CELA3B: variants seen among roughly 807,000 people sequenced by gnomAD.
CELA3B encodes chymotrypsin like elastase 3B, also known as chymotrypsin-like elastase family member 3B.
Under a neutral mutation model 37.2 loss-of-function variants are expected in CELA3B, and 34 were observed. That is an observed-to-expected ratio of 0.91 (90% CI 0.70 to 1.22). The LOEUF (loss-of-function observed/expected upper bound fraction) is 1.22, where lower values mean the gene tolerates loss of function less well. CELA3B is among the 50% of genes most tolerant of loss of function. The probability of loss-of-function intolerance (pLI) is 0.00; values close to 1 mark genes in which losing one functional copy is unlikely to be tolerated. For missense variants in CELA3B, 340 were observed against 363.1 expected, an observed-to-expected ratio of 0.94 and a Z score of 0.52; for synonymous variants, 127 against 143.5, an observed-to-expected ratio of 0.89 and a Z score of 0.82.
chr1:21,998,054 C>T (rs976630006), intron 4 of CELA3B: 38 of 435,080 alleles, frequency 8.7e-5, no homozygotes, highest in African/African-American at 6.9e-4. Flanking sequence ...GTTATGCCTT[C>T]CTGTTTACAT....
chr1:21,983,967 C>T, intron 5 of CELA3B, 137 bp downstream of exon 5: 2 of 1,439,802 alleles, frequency 1.4e-6, no homozygotes, highest in Non-Finnish European at 1.9e-6. Context: ...CTTCTCCCAC[C>T]AACCTCCAAA....
intron 2 of CELA3B, 129 bp downstream of exon 2, chr1:21,978,583 G>A: frequency 8.8e-7 from 1 of 1,139,538 alleles, no homozygotes; most frequent in Non-Finnish European, 1.3e-6. Context: ...AGACCAGGCA[G>A]CCCTTGGACC....
chr1:21,996,349 G>A (rs936634627), intron 4 of CELA3B, among the ~76,000 whole-genome samples: 3 of 151,058 alleles, frequency 2.0e-5, no homozygotes, highest in East Asian at 2.0e-4. Context: ...TAAAGAAGCC[G>A]GCCAAAACCC....
chr1:21,984,920 C>A (rs10799724), intron 6 of CELA3B, among the ~76,000 whole-genome samples: 133,828 of 151,706 alleles, frequency 0.88, 59,659 homozygotes, highest in Middle Eastern at 0.95. Context: ...GCACTCCAGG[C>A]TGGGCGACAG....
intron 7 of CELA3B, among the ~76,000 whole-genome samples, chr1:21,988,692 C>T (rs1286656777): frequency 6.6e-6 from 1 of 151,288 alleles, no homozygotes; most frequent in East Asian, 1.9e-4. Flanking sequence ...GAGATTGAGA[C>T]CATCCTGGCT....
intron 4 of CELA3B, among the ~76,000 whole-genome samples, chr1:21,996,939 A>G (rs995330513): frequency 1.3e-4 from 19 of 151,482 alleles, no homozygotes; most frequent in Middle Eastern, 3.4e-3. Flanking sequence ...GGTAGCTGGG[A>G]AATGTTGACC....
Position 21,986,578 on chromosome 1 carries a change from G to C in CELA3B, c.690G>C (p.Trp230Cys). The change falls in exon 7 of 8, where the codon TGG (tryptophan) becomes TGC (cysteine). Residue 230 changes from tryptophan to cysteine, a missense_variant. Physicochemically the swap from Trp to Cys is radical, Grantham distance 215 (BLOSUM62 -2). Transcript: ENST00000337107. ...ACTGCCCCACAGAGGATGGTGGCTGGCAGGTCCATGGCGTGACCAGCTTTG... is the reference window on the plus strand; with the variant it reads ...ACTGCCCCACAGAGGATGGTGGCTGCCAGGTCCATGGCGTGACCAGCTTTG... ...PLNCPTEDGG[W>C]QVHGVTSFVS... 1.4e-5 allele frequency: 22 copies of C among 1,614,100 alleles called. No individual in the cohort carries two copies. Among genetic ancestry groups the C allele is most frequent in the Non-Finnish European group, 1.8e-5 (21 of 1,180,022 alleles).
chr1:21,986,332 C>T (rs1322472331), intron 6 of CELA3B, among the ~76,000 whole-genome samples, 199 bp from the exon 7 acceptor site: 1 of 151,784 alleles, frequency 6.6e-6, no homozygotes, highest in South Asian at 2.1e-4. Context: ...GCCAAGCTAG[C>T]TCCACTGCAC....
downstream of CELA3B, among the ~76,000 whole-genome samples, chr1:21,992,834 AC>A (rs748567628): frequency 1.3e-4 from 20 of 150,926 alleles, 1 homozygote; most frequent in Non-Finnish European, 2.9e-4. Context: ...GTGGTGTGAC[AC>A]ATGCCTGTAG....
Position 21,986,379 on chromosome 1 carries a change from A to G in CELA3B, c.643-152A>G, listed in dbSNP as rs945426679. ...CAAGAGAGCGAGACTCCATCTAAAAAAATAAAAATAATAAATGATTAAAAA... is the reference window on the plus strand; with the variant it reads ...CAAGAGAGCGAGACTCCATCTAAAAGAATAAAAATAATAAATGATTAAAAA... On this transcript the variant is annotated intron_variant, in intron 6 of 7. Coordinates refer to ENST00000337107, the MANE Select transcript of CELA3B (RefSeq NM_007352.4). 2.6e-5 allele frequency: 28 copies of G among 1,092,944 alleles called. No homozygotes were observed. In the African/African-American group the frequency reaches 4.5e-4, roughly 18 times the overall value. 67.7% of individuals were successfully genotyped at this position (1,092,944 alleles called of 1,614,324 possible).
chr1:21,977,744 T>G (rs983507829), intron 1 of CELA3B: 3 of 311,650 alleles, frequency 9.6e-6, no homozygotes, highest in Admixed American at 9.4e-5. Flanking sequence ...CTTTTTTTTT[T>G]GTTGAGATGG....
Position 21,978,248 on chromosome 1 carries a change from G to A in CELA3B, c.44-121G>A, listed in dbSNP as rs185946114. ...ATATGTGGTTACTGAGGTCCAGAGG[G>A]CGAAAGGGGCTTGCATGGGGTCACA... On this transcript the variant is annotated intron_variant, in intron 1 of 7. Coordinates refer to ENST00000337107, the MANE Select transcript of CELA3B (RefSeq NM_007352.4). The A allele has an allele frequency of 2.6e-4, 247 of 950,196 alleles. 3 individuals carry two copies. In the African/African-American group the frequency reaches 2.6e-3, roughly 10 times the overall value. 58.9% of individuals were successfully genotyped at this position (950,196 alleles called of 1,614,324 possible). A position where few individuals can be genotyped will look rare whatever the true frequency, so the allele number is the denominator to read the frequency against.
rs747556999 is a variant in CELA3B at position 21,986,593 on chromosome 1, G to T, written c.705G>T (p.Val235=). The T allele has an allele frequency of 6.8e-6, 11 of 1,613,970 alleles. No individual in the cohort carries two copies. The African/African-American group carries it at 1.1e-4, about 16-fold the overall frequency. ...ATGGTGGCTGGCAGGTCCATGGCGT[G>T]ACCAGCTTTGTTTCTGCCTTTGGCT... is the stretch of plus-strand genomic sequence containing the variant. ...TEDGGWQVHG[V]TSFVSAFGCN... Residue 235 remains valine (V), a synonymous_variant, in exon 7 of 8, where the codon GTG becomes GTT. Coordinates refer to ENST00000337107, the MANE Select transcript of CELA3B (RefSeq NM_007352.4).
chr1:21,997,750 A>T (rs1381147926), intron 4 of CELA3B, among the ~76,000 whole-genome samples: 2 of 151,270 alleles, frequency 1.3e-5, no homozygotes, highest in Non-Finnish European at 2.9e-5. Flanking sequence ...TAGTAGGACT[A>T]TAACATTTCT....
In CELA3B at chr1:21,994,916, C is replaced by A. The variant is rs1451116300; in HGVS notation, c.505-3235C>A. 4.2e-5 allele frequency among the ~76,000 whole-genome samples: 6 copies of A among 144,404 alleles called. 1 individual carries two copies. Among genetic ancestry groups the A allele is most frequent in the Non-Finnish European group, 6.0e-5 (4 of 66,740 alleles). 94.7% of individuals were successfully genotyped at this position (144,404 alleles called of 152,430 possible). A position where few individuals can be genotyped will look rare whatever the true frequency, so the allele number is the denominator to read the frequency against. On this transcript the variant is annotated intron_variant, in intron 4 of 4. Transcript: ENST00000400277. ...ACTCGGCAGGCTGAGGTGGGAGGAT[C>A]GCCTGAGTCAGGAAAGTTGAGGCTG...
intron 4 of CELA3B, among the ~76,000 whole-genome samples, chr1:21,995,830 C>T (rs1330540667): frequency 2.7e-5 from 4 of 146,486 alleles, no homozygotes; most frequent in African/African-American, 7.8e-5. Flanking sequence ...CTGAGGGCTA[C>T]GAGCAAAGGT....
In CELA3B at chr1:21,978,575, A is replaced by G. The variant is rs2152815303; in HGVS notation, c.129+121A>G. The G allele has an allele frequency of 6.5e-6, 8 of 1,234,768 alleles. No individual in the cohort carries two copies. In the South Asian group the frequency reaches 7.7e-5, roughly 12 times the overall value. 76.5% of individuals were successfully genotyped at this position (1,234,768 alleles called of 1,614,324 possible). On this transcript the variant is annotated intron_variant, in intron 2 of 7. Transcript: ENST00000337107. ...GCAATGTCCACTTCAGCTTCCAAAGACCAGGCAGCCCTTGGACCATCTACT... is the reference window on the plus strand; with the variant it reads ...GCAATGTCCACTTCAGCTTCCAAAGGCCAGGCAGCCCTTGGACCATCTACT...
intron 6 of CELA3B, 21 bp from the exon 7 acceptor site, chr1:21,986,510 A>G: frequency 1.2e-6 from 2 of 1,612,482 alleles, no homozygotes; most frequent in Non-Finnish European, 1.7e-6. Flanking sequence ...TCAGCCACCC[A>G]CACCTCTCTG....
intron 2 of CELA3B, among the ~76,000 whole-genome samples, chr1:21,979,496 A>C (rs1338425731): frequency 3.2e-5 from 4 of 123,944 alleles, no homozygotes; most frequent in African/African-American, 1.3e-4. Flanking sequence ...TGTGTTGCCC[A>C]GGCTGGAGTG....
Sources: gnomAD v4.1 joint callset for allele counts (sites outside exome capture counted in the v4.1 genomes callset) on GRCh38, gnomAD v4.1.1 for gene constraint, MANE v1.5 for transcripts, NCBI Gene and HGNC (gene_info 2026-07-23, HGNC 2026-07-21) for gene names.